Variants in BOC observed in about 807,000 individuals in gnomAD.
The protein encoded by BOC is brother of CDO.
Under a neutral mutation model 112.0 loss-of-function variants are expected in BOC, and 76 were observed. The ratio of observed to expected loss-of-function variants is 0.68; its 90% CI spans 0.56 to 0.82. The LOEUF is 0.82. BOC is among the 40% of genes least tolerant of loss of function. The pLI, the probability that BOC is intolerant of heterozygous loss-of-function variation, is 0.00. For missense variants in BOC, 1,309 were observed against 1,511.7 expected, an observed-to-expected ratio of 0.87 and a Z score of 2.22; for synonymous variants, 580 against 599.8, an observed-to-expected ratio of 0.97 and a Z score of 0.48.
chr3:113,235,379 T>G (rs965447914), intron 2 of BOC, among the ~76,000 whole-genome samples: 7 of 152,158 alleles, frequency 4.6e-5, no homozygotes, highest in South Asian at 4.2e-4. Flanking sequence ...CTGAATGAGG[T>G]CAGAGGTGGG....
chr3:113,227,533 G>A (rs1013054380), intron 2 of BOC, among the ~76,000 whole-genome samples: 6 of 152,184 alleles, frequency 3.9e-5, no homozygotes, highest in African/African-American at 1.4e-4. Flanking sequence ...CTTTTCAGGA[G>A]TAGGGCTCCC....
intron 7 of BOC, 104 bp from the exon 8 acceptor site, chr3:113,272,965 A>G: frequency 7.0e-7 from 1 of 1,421,930 alleles, no homozygotes; most frequent in Admixed American, 2.2e-5. Context: ...AAAAAGCAAC[A>G]GCCAAAGGGC....
At chr3:113,215,540 C>T (rs1939194010) in intron 1 of BOC, among the ~76,000 whole-genome samples, 1 of 152,198 alleles carries the variant, frequency 6.6e-6, no homozygotes, top group Non-Finnish European at 1.5e-5. Context: ...ACTCCACCAT[C>T]TTTTTCATTC....
chr3:113,224,151 C>T (rs1283173921), intron 2 of BOC, among the ~76,000 whole-genome samples: 4 of 152,212 alleles, frequency 2.6e-5, no homozygotes, highest in Admixed American at 6.5e-5. Flanking sequence ...CGCTCTTGCA[C>T]GCCTACATCC....
intron 2 of BOC, among the ~76,000 whole-genome samples, chr3:113,232,526 T>C (rs1942776702): frequency 6.6e-6 from 1 of 151,912 alleles, no homozygotes; most frequent in African/African-American, 2.4e-5. Context: ...CTCCAAAGCA[T>C]ACTTAGCAGC....
chr3:113,237,471 A>G (rs780122977), intron 2 of BOC, among the ~76,000 whole-genome samples: 82 of 152,112 alleles, frequency 5.4e-4, no homozygotes, highest in Non-Finnish European at 7.5e-4. Context: ...GCATGGTCTC[A>G]TCCTAGATTA....
intron 1 of BOC, among the ~76,000 whole-genome samples, chr3:113,213,612 G>A (rs904781386): frequency 6.6e-6 from 1 of 152,148 alleles, no homozygotes; most frequent in African/African-American, 2.4e-5. Context: ...TAAATCTGAG[G>A]CAAGAGGTTA....
chr3:113,240,166 G>T (rs1453136042), intron 2 of BOC, among the ~76,000 whole-genome samples: 1 of 152,194 alleles, frequency 6.6e-6, no homozygotes, highest in African/African-American at 2.4e-5. Flanking sequence ...TATGGCCTTG[G>T]GTTGAGCTAG....
At chr3:113,253,975 G>T (rs1425873630) in intron 4 of BOC, among the ~76,000 whole-genome samples, 1 of 152,210 alleles carries the variant, frequency 6.6e-6, no homozygotes, top group Non-Finnish European at 1.5e-5. Flanking sequence ...ACCTTTTATT[G>T]TTTGGGAAAG....
intron 2 of BOC, among the ~76,000 whole-genome samples, chr3:113,240,628 C>A (rs1442321871): frequency 2.0e-5 from 3 of 151,972 alleles, no homozygotes; most frequent in Non-Finnish European, 4.4e-5. Flanking sequence ...TTTTTTCTAT[C>A]CTGATTTAAA....
intron 2 of BOC, among the ~76,000 whole-genome samples, chr3:113,243,615 A>G (rs1944567561): frequency 6.6e-6 from 1 of 152,192 alleles, no homozygotes; most frequent in African/African-American, 2.4e-5. Context: ...GGAAGTTTGG[A>G]GACCACTGTT....
chr3:113,249,865 C>T lies in BOC; in HGVS notation c.63C>T (p.Leu21=). Reference sequence around the variant, plus strand: ...GGCCTGAGGTCACACTGGCTTGCCTCCTCCTAGCCACAGCAGGCTGCTTTG... The same window carrying T: ...GGCCTGAGGTCACACTGGCTTGCCTTCTCCTAGCCACAGCAGGCTGCTTTG... The part of the protein sequence containing the change: ...GMRPEVTLAC[L]LLATAGCFAD... Residue 21 remains leucine (L), a synonymous_variant, in exon 3 of 20, where the codon CTC becomes CTT. Coordinates refer to ENST00000682979, the MANE Select transcript of BOC (RefSeq NM_001378074.1). The T allele has an allele frequency of 3.1e-6, 5 of 1,613,574 alleles. No homozygotes were observed. The highest frequency in any genetic ancestry group is 1.1e-5 in the South Asian group (1 of 91,018).
In BOC at chr3:113,270,676, G is replaced by A. The variant is rs528779102; in HGVS notation, c.524-125G>A. The A allele has an allele frequency of 1.7e-4, 188 of 1,085,928 alleles. 3 individuals are homozygous for A. In the South Asian group the frequency reaches 2.8e-3, roughly 16 times the overall value. The allele number at this position is 1,085,928 out of a possible 1,614,324, so 67.3% of individuals were successfully genotyped here. A position where few individuals can be genotyped will look rare whatever the true frequency, so the allele number is the denominator to read the frequency against. On this transcript the variant is annotated intron_variant, in intron 5 of 19. Coordinates refer to ENST00000682979, the MANE Select transcript of BOC (RefSeq NM_001378074.1). ...GGCTTTGTCTTGTGGGGACTCAGGT[G>A]GACATCAGCTCCTAGTGCCTGCCCA...
In BOC at chr3:113,211,917, TTG is replaced by T. The variant is rs2107535752; in HGVS notation, c.-263_-262del. 1 of 152,114 alleles carries T rather than the reference TTG, an allele frequency of 6.6e-6. No homozygotes were observed. The highest frequency in any genetic ancestry group is 1.9e-4 in the East Asian group (1 of 5,154). The allele number at this position is 152,114 out of a possible 1,614,324, so 9.4% of individuals were successfully genotyped here. A position where few individuals can be genotyped will look rare whatever the true frequency, so the allele number is the denominator to read the frequency against. On this transcript the variant is annotated 5_prime_UTR_variant, in exon 1 of 20. Transcript: ENST00000682979. Reference sequence around the variant, plus strand: ...TGTGTCCCCGGTGTCACCGAGCGTGTTGTGTGTCCGTGCGGCGCGGCGCTGTG... The same window carrying T: ...TGTGTCCCCGGTGTCACCGAGCGTGTTGTGTCCGTGCGGCGCGGCGCTGTG...
intron 2 of BOC, among the ~76,000 whole-genome samples, chr3:113,229,743 T>C (rs1225211223): frequency 6.6e-6 from 1 of 152,230 alleles, no homozygotes; most frequent in Non-Finnish European, 1.5e-5. Context: ...GCTTTAAAAA[T>C]TATAAGAATT....
At chr3:113,249,060 CT>C (rs1308687209) in intron 2 of BOC, among the ~76,000 whole-genome samples, 1 of 152,054 alleles carries the variant, frequency 6.6e-6, no homozygotes, top group Non-Finnish European at 1.5e-5. Context: ...GTGTTTGTAC[CT>C]GTGGGAGTAG....
intron 7 of BOC, 95 bp from the exon 8 acceptor site, chr3:113,272,974 G>A (rs1232584259): frequency 1.5e-5 from 22 of 1,457,484 alleles, no homozygotes; most frequent in South Asian, 1.1e-4. Flanking sequence ...CAGCCAAAGG[G>A]CAGGGGAGCT....
At chr3:113,250,212 G>A (rs1945442467) in intron 3 of BOC, among the ~76,000 whole-genome samples, 1 of 152,236 alleles carries the variant, frequency 6.6e-6, no homozygotes. Context: ...CAAGACTCAT[G>A]ACAACCTTGT....
intron 2 of BOC, among the ~76,000 whole-genome samples, chr3:113,222,930 C>T (rs1027223970): frequency 1.3e-5 from 2 of 152,214 alleles, no homozygotes; most frequent in African/African-American, 2.4e-5. Flanking sequence ...GTAGGGCTGG[C>T]CCTGTGCCAG....
Sources: gnomAD v4.1 joint callset for allele counts (sites outside exome capture counted in the v4.1 genomes callset) on GRCh38, gnomAD v4.1.1 for gene constraint, MANE v1.5 for transcripts, NCBI Gene and HGNC (gene_info 2026-07-23, HGNC 2026-07-21) for gene names.